Variants in CDKN2B-AS1 observed in about 807,000 individuals in gnomAD.
CDKN2B-AS1 encodes CDKN2B and CDKN2A antisense cis and trans regulatory RNA 1, also known as CDKN2B antisense RNA 1 (non-protein coding).
At chr9:22,053,281 G>A (rs1823430281) in intron 3 of CDKN2B-AS1, among the ~76,000 whole-genome samples, 1 of 152,122 alleles carries the variant, frequency 6.6e-6, no homozygotes, top group Non-Finnish European at 1.5e-5. Context: ...AGAAAGACCT[G>A]GGCTTTTTTA....
intron 4 of CDKN2B-AS1, among the ~76,000 whole-genome samples, chr9:22,088,633 G>T (rs1587513915): frequency 6.6e-6 from 1 of 152,324 alleles, no homozygotes; most frequent in East Asian, 1.9e-4. Context: ...AGTAAGAGTG[G>T]TATGTTAATT....
chr9:22,046,111 C>T (rs141955118), intron 1 of CDKN2B-AS1, among the ~76,000 whole-genome samples: 1 of 151,994 alleles, frequency 6.6e-6, no homozygotes, highest in African/African-American at 2.4e-5. Context: ...CAAATGGAAG[C>T]CATCCAAATG....
chr9:22,062,090 A>T (rs1823844580), intron 4 of CDKN2B-AS1: 1 of 152,140 alleles, frequency 6.6e-6, no homozygotes, highest in Non-Finnish European at 1.5e-5. Context: ...TGTGAGTGAA[A>T]TGGGTCTGTG....
intron 4 of CDKN2B-AS1, among the ~76,000 whole-genome samples, chr9:22,107,463 T>C (rs1825689722): frequency 1.3e-5 from 2 of 152,202 alleles, no homozygotes; most frequent in South Asian, 4.1e-4. Context: ...TGCTGGAAAC[T>C]TTCCCCACTT....
At chr9:22,008,797 C>A (rs749784563) in intron 1 of CDKN2B-AS1, 2 of 1,605,834 alleles carry the variant, frequency 1.2e-6, no homozygotes, top group South Asian at 1.1e-5. Context: ...GCCCCAGCTA[C>A]CTGGATCGCG....
chr9:22,096,636 G>A (rs1825285876), intron 4 of CDKN2B-AS1: 1 of 152,172 alleles, frequency 6.6e-6, no homozygotes. Context: ...ACCTCTCAAG[G>A]ACCTTTGTTA....
chr9:22,008,700 A>AAATC (rs759079787), intron 1 of CDKN2B-AS1: 1 of 1,611,338 alleles, frequency 6.2e-7, no homozygotes, highest in Admixed American at 1.7e-5. Flanking sequence ...ACTCCTGTAC[A>AAATC]AATCTACATC....
intron 4 of CDKN2B-AS1, among the ~76,000 whole-genome samples, chr9:22,101,869 T>C (rs759816989): frequency 5.3e-4 from 81 of 152,232 alleles, no homozygotes; most frequent in Non-Finnish European, 2.4e-4. Context: ...TGGCTTGGGC[T>C]AGCAGACTGG....
intron 1 of CDKN2B-AS1, chr9:22,002,855 T>C (rs1820982310): frequency 5.7e-6 from 1 of 176,242 alleles, no homozygotes; most frequent in Non-Finnish European, 1.2e-5. Flanking sequence ...CTTTAAAAAA[T>C]TCATCCACTT....
intron 4 of CDKN2B-AS1, among the ~76,000 whole-genome samples, chr9:22,079,725 C>A (rs757394625): frequency 2.0e-5 from 3 of 150,866 alleles, no homozygotes; most frequent in Non-Finnish European, 2.9e-5. Context: ...GATTTTCTTA[C>A]TCTTCTCTTG....
In CDKN2B-AS1 at chr9:21,995,975, T is replaced by C. The variant is rs1820656361; in HGVS notation, n.29+814T>C. 1 of 152,632 alleles carries C rather than the reference T, an allele frequency of 6.6e-6. No individual in the cohort carries two copies. The highest frequency in any genetic ancestry group is 2.4e-5 in the African/African-American group (1 of 41,470). The allele number at this position is 152,632 out of a possible 1,614,324, so 9.5% of individuals were successfully genotyped here. ...AGGCCCAGCTCCGGGAACCTGGAAA[T>C]GTGGCCCGCTTCTCAGTGGCTTCCT... On this transcript the variant is annotated intron_variant and non_coding_transcript_variant, in intron 1 of 4. Coordinates refer to ENST00000650946, the Ensembl canonical transcript of CDKN2B-AS1. The surrounding 1 kb of genome is among the most constrained non-coding windows in gnomAD (Gnocchi z 5.7).
At chr9:22,115,553 T>C (rs111714555) in intron 4 of CDKN2B-AS1, among the ~76,000 whole-genome samples, 26 of 152,288 alleles carry the variant, frequency 1.7e-4, no homozygotes, top group African/African-American at 5.5e-4. Context: ...TTCTTTCTTC[T>C]CAAAACTTCA....
rs1821191509 is a variant in CDKN2B-AS1, at chr9:22,006,386, G to T, written n.29+11225G>T. 17 of 1,162,498 alleles carry T rather than the reference G, an allele frequency of 1.5e-5. No individual in the cohort carries two copies. Among genetic ancestry groups the T allele is most frequent in the Non-Finnish European group, 2.1e-5 (17 of 813,414 alleles). The allele number at this position is 1,162,498 out of a possible 1,614,324, so 72.0% of individuals were successfully genotyped here. A position where few individuals can be genotyped will look rare whatever the true frequency, so the allele number is the denominator to read the frequency against. ...CCAGTGCAGAGGTGTTCAGGTCTCTGATGTCTGGTGTTTCTTCATTTGCTG... is the reference window on the plus strand; with the variant it reads ...CCAGTGCAGAGGTGTTCAGGTCTCTTATGTCTGGTGTTTCTTCATTTGCTG... On this transcript the variant is annotated intron_variant and non_coding_transcript_variant, in intron 1 of 4. Coordinates refer to ENST00000650946, the Ensembl canonical transcript of CDKN2B-AS1. This position sits in a 1 kb window ranked among gnomAD's most constrained non-coding sequence, Gnocchi z 6.4.
chr9:22,106,231 C>T (rs576631551), intron 4 of CDKN2B-AS1, among the ~76,000 whole-genome samples: 14 of 152,086 alleles, frequency 9.2e-5, no homozygotes, highest in Non-Finnish European at 1.8e-4. Context: ...TACAGGCACA[C>T]GCCACCATGC....
chr9:22,057,155 T>A (rs905954584), intron 4 of CDKN2B-AS1, among the ~76,000 whole-genome samples: 1 of 152,158 alleles, frequency 6.6e-6, no homozygotes, highest in Non-Finnish European at 1.5e-5. Flanking sequence ...ATATTATTTT[T>A]AAAATATTAA....
At chr9:22,122,235 CT>C (rs1242131243) in intron 4 of CDKN2B-AS1, among the ~76,000 whole-genome samples, 2 of 151,866 alleles carry the variant, frequency 1.3e-5, no homozygotes, top group African/African-American at 4.8e-5. Context: ...CATTTTCCTA[CT>C]CTTTAATTAG....
intron 4 of CDKN2B-AS1, among the ~76,000 whole-genome samples, chr9:22,098,433 T>A (rs75439674): frequency 1.3e-5 from 2 of 151,416 alleles, no homozygotes; most frequent in East Asian, 1.9e-4. Context: ...TTTTTTTTTT[T>A]ATCACCATGC....
intron 1 of CDKN2B-AS1, among the ~76,000 whole-genome samples, chr9:22,016,026 T>G (rs1324717621): frequency 6.6e-6 from 1 of 152,232 alleles, no homozygotes; most frequent in African/African-American, 2.4e-5. Context: ...TCGCGAAAAT[T>G]TTCTCCCATT....
At chr9:22,012,622 A>G (rs571569195) in intron 1 of CDKN2B-AS1, 5 of 163,042 alleles carry the variant, frequency 3.1e-5, no homozygotes, top group South Asian at 9.2e-5. Flanking sequence ...CATTGACTGG[A>G]AAAAAAAAAA....
Sources: allele counts gnomAD v4.1 joint callset (sites outside exome capture counted in the v4.1 genomes callset), GRCh38; gene constraint gnomAD v4.1.1; non-coding constraint Gnocchi (gnomAD v3.1); transcripts MANE v1.5; gene names NCBI Gene and HGNC (gene_info 2026-07-23, HGNC 2026-07-21).